Variants in EGFLAM observed in about 807,000 individuals in gnomAD.
EGFLAM encodes the protein EGF like, fibronectin type III and laminin G domains, also known as pikachurin.
EGFLAM carries 79 observed loss-of-function variants against 113.1 expected under a neutral mutation model. The observed-to-expected ratio is 0.70, with a 90% confidence interval of 0.58 to 0.84. The LOEUF (loss-of-function observed/expected upper bound fraction) is 0.84, where lower values mean the gene tolerates loss of function less well. Among genes scored for constraint, EGFLAM ranks in the 40% least tolerant of loss-of-function variants. EGFLAM has a pLI of 0.00. For missense variants in EGFLAM, 1,265 were observed against 1,291.6 expected (o/e 0.98, Z 0.32); for synonymous variants, 504 against 487.6 (o/e 1.03, Z -0.44).
In EGFLAM at chr5:38,266,587, G is replaced by A. The variant is rs563966729; in HGVS notation, c.97+7736G>A. ...TTATGTACTTTTATTCTTTTCTATA[G>A]GTATTAAGGTATGGTTACATGTGAT... On this transcript the variant is annotated intron_variant, in intron 1 of 21. Transcript: ENST00000322350. Among the ~76,000 whole-genome samples, 47 of 152,272 alleles carry A rather than the reference G, an allele frequency of 3.1e-4. No homozygotes were observed. In the South Asian group the frequency reaches 4.8e-3, roughly 15 times the overall value.
At chr5:38,445,957 T>C (rs1362701802) in intron 17 of EGFLAM, among the ~76,000 whole-genome samples, 1 of 151,946 alleles carries the variant, frequency 6.6e-6, no homozygotes, top group East Asian at 1.9e-4. Context: ...GTCCCAACCC[T>C]TGCAAGGAGT....
At chr5:38,268,280 C>T (rs777743303) in intron 1 of EGFLAM, among the ~76,000 whole-genome samples, 6 of 152,098 alleles carry the variant, frequency 3.9e-5, no homozygotes, top group Non-Finnish European at 8.8e-5. Context: ...GGAAGCCCAC[C>T]TCAGCTGTCT....
chr5:38,431,261 G>A lies in EGFLAM; in HGVS notation c.2139G>A (p.Lys713=). The change falls in exon 15 of 22, where the codon AAG becomes AAA. Residue 713 remains lysine, a synonymous_variant. Coordinates refer to ENST00000322350, the MANE Select transcript of EGFLAM (RefSeq NM_152403.4). The stretch of plus-strand genomic sequence containing the variant: ...AGAATGGAATCTTACAGGTGGATAA[G>A]CAGAAGATAGTGGAGGGAATGGCAG... The part of the protein sequence containing the change: ...TAKNGILQVD[K]QKIVEGMAEG... 3.7e-6 allele frequency: 6 copies of A among 1,614,158 alleles called. No individual in the cohort carries two copies. Among genetic ancestry groups the A allele is most frequent in the Non-Finnish European group, 4.2e-6 (5 of 1,180,006 alleles).
chr5:38,457,491 G>A (rs1743128036), intron 19 of EGFLAM, among the ~76,000 whole-genome samples: 2 of 152,124 alleles, frequency 1.3e-5, no homozygotes, highest in South Asian at 4.1e-4. Context: ...CCTGCCTCCA[G>A]TTTCCCATGG....
intron 4 of EGFLAM, among the ~76,000 whole-genome samples, chr5:38,351,198 T>C (rs535926519): frequency 1.1e-4 from 17 of 149,786 alleles, no homozygotes; most frequent in African/African-American, 4.2e-4. Context: ...AACCTCCACC[T>C]CCTGGGTTCA....
chr5:38,411,245 T>C (rs887279146), intron 10 of EGFLAM, among the ~76,000 whole-genome samples: 2 of 151,964 alleles, frequency 1.3e-5, no homozygotes, highest in Admixed American at 1.3e-4. Flanking sequence ...CTGGCCAACA[T>C]GGCGAAACCA....
intron 17 of EGFLAM, 61 bp downstream of exon 17, chr5:38,438,516 TG>T (rs1413951673): frequency 1.4e-6 from 2 of 1,442,158 alleles, no homozygotes; most frequent in Non-Finnish European, 1.8e-6. Flanking sequence ...GACAGCCAAT[TG>T]GGGGACCACA....
At position 38,445,420 on chromosome 5, in the gene EGFLAM, C is replaced by T. The variant is rs1561098124; in HGVS notation, c.2465-2881C>T. On this transcript the variant is annotated intron_variant, in intron 17 of 21. Coordinates refer to ENST00000322350, the MANE Select transcript of EGFLAM (RefSeq NM_152403.4). ...GATTCTAAACATCTTCTTGGTCCAC[C>T]GCCACGCCCACCTTCAATAAGCCGA... The T allele has an allele frequency of 3.0e-6, 4 of 1,313,258 alleles. No homozygotes were observed. The South Asian group carries it at 5.7e-5, about 19-fold the overall frequency. 81.4% of individuals were successfully genotyped at this position (1,313,258 alleles called of 1,614,324 possible). A position where few individuals can be genotyped will look rare whatever the true frequency, so the allele number is the denominator to read the frequency against.
Position 38,300,319 on chromosome 5 carries a change from G to C in EGFLAM, c.98-37201G>C, listed in dbSNP as rs147458343. Among the ~76,000 whole-genome samples the C allele has an allele frequency of 3.6e-3, 544 of 152,182 alleles. 2 individuals carry two copies. Among genetic ancestry groups the C allele is most frequent in the Middle Eastern group, 0.017 (5 of 294 alleles). ...GAGGAGCCACTGCTGGTTTTGAGCA[G>C]AGGAATAACCCTGTTGTATTCTTCC... is the stretch of plus-strand genomic sequence containing the variant. On this transcript the variant is annotated intron_variant, in intron 1 of 21. Coordinates refer to ENST00000322350, the MANE Select transcript of EGFLAM (RefSeq NM_152403.4).
At chr5:38,369,787 G>A (rs1055604674) in intron 5 of EGFLAM, among the ~76,000 whole-genome samples, 2 of 152,328 alleles carry the variant, frequency 1.3e-5, no homozygotes, top group African/African-American at 2.4e-5. Flanking sequence ...GCACATTGGC[G>A]TAGCTGTATA....
intron 6 of EGFLAM, among the ~76,000 whole-genome samples, chr5:38,372,204 G>C (rs922646524): frequency 7.3e-5 from 11 of 151,578 alleles, no homozygotes; most frequent in Non-Finnish European, 1.5e-5. Flanking sequence ...GTGCAATGGC[G>C]CGATCTCGGC....
intron 6 of EGFLAM, among the ~76,000 whole-genome samples, chr5:38,376,974 G>T (rs774176156): frequency 6.6e-6 from 1 of 151,660 alleles, no homozygotes; most frequent in Middle Eastern, 3.4e-3. Flanking sequence ...TCGACCCCAG[G>T]CTTCTGTGGT....
intron 12 of EGFLAM, 80 bp downstream of exon 12, chr5:38,418,335 A>G (rs1272070926): frequency 1.3e-6 from 2 of 1,517,142 alleles, no homozygotes; most frequent in East Asian, 2.4e-5. Context: ...TGGGCCATGG[A>G]GGGAGCAGCA....
At chr5:38,394,711 CTTTTT>C (rs11451294) in intron 6 of EGFLAM, among the ~76,000 whole-genome samples, 3 of 121,724 alleles carry the variant, frequency 2.5e-5, no homozygotes, top group African/African-American at 6.6e-5. Context: ...GCCGGGCCCA[CTTTTT>C]TTTTTTTTTT....
chr5:38,338,456 A>G (rs1319385499), intron 2 of EGFLAM, among the ~76,000 whole-genome samples: 1 of 152,220 alleles, frequency 6.6e-6, no homozygotes, highest in Non-Finnish European at 1.5e-5. Flanking sequence ...AACACGAGCC[A>G]TGTGCAGACC....
intron 6 of EGFLAM, among the ~76,000 whole-genome samples, chr5:38,391,382 C>CTT (rs201924208): frequency 3.0e-5 from 3 of 99,292 alleles, no homozygotes; most frequent in African/African-American, 1.1e-4. Context: ...TTTTTCTTTT[C>CTT]TTTGTGTGTG....
chr5:38,415,362 C>CAA (rs201173192), intron 11 of EGFLAM, among the ~76,000 whole-genome samples: 7 of 129,696 alleles, frequency 5.4e-5, no homozygotes, highest in South Asian at 2.5e-4. Flanking sequence ...GACTCCATCT[C>CAA]AAAAAAAAAA....
intron 1 of EGFLAM, among the ~76,000 whole-genome samples, chr5:38,303,192 C>G (rs1339490438): frequency 2.6e-5 from 4 of 152,078 alleles, no homozygotes. Context: ...AGTTGTCTCC[C>G]CAAGTCTACT....
chr5:38,425,931 C>T lies in EGFLAM; in HGVS notation c.1810+839C>T, dbSNP rs567549285. On this transcript the variant is annotated intron_variant, in intron 13 of 21. Coordinates refer to ENST00000322350, the MANE Select transcript of EGFLAM (RefSeq NM_152403.4). ...TCACGAGGCCAACGTGGTGAAACTC[C>T]GTTTCTACTAAAAATACAAAAATTA... Among the ~76,000 whole-genome samples, 7 of 152,232 alleles carry T rather than the reference C, an allele frequency of 4.6e-5. No homozygotes were observed. In the South Asian group the frequency reaches 1.5e-3, roughly 32 times the overall value.
Sources: gnomAD v4.1 joint callset for allele counts (sites outside exome capture counted in the v4.1 genomes callset) on GRCh38, gnomAD v4.1.1 for gene constraint, MANE v1.5 for transcripts, NCBI Gene and HGNC (gene_info 2026-07-23, HGNC 2026-07-21) for gene names.